SPTBN1: variants seen among roughly 807,000 people sequenced by gnomAD.
SPTBN1 encodes spectrin beta chain, non-erythrocytic 1.
A neutral mutation model predicts 266.4 loss-of-function variants in SPTBN1; 32 were observed. The ratio of observed to expected loss-of-function variants is 0.12; its 90% CI spans 0.09 to 0.16. The LOEUF is 0.16. SPTBN1 is among the 10% of genes least tolerant of loss of function. The pLI, the probability that SPTBN1 is intolerant of heterozygous loss-of-function variation, is 1.00. For synonymous variants in SPTBN1, 1,336 were observed against 1,162.2 expected (o/e 1.15, Z -3.04); for missense variants, 2,296 against 3,067.1 (o/e 0.75, Z 5.94).
At chr2:54,465,480 A>G (rs1693578266) in intron 1 of SPTBN1, among the ~76,000 whole-genome samples, 1 of 152,180 alleles carries the variant, frequency 6.6e-6, no homozygotes, top group Admixed American at 6.5e-5. Context: ...ATTTAGATTT[A>G]CTTTCAGTGA....
chr2:54,460,075 G>C (rs570415980), intron 1 of SPTBN1, among the ~76,000 whole-genome samples: 1 of 152,212 alleles, frequency 6.6e-6, no homozygotes, highest in Non-Finnish European at 1.5e-5. Context: ...TGAGGTTCAC[G>C]GACCTTCAAC....
At chr2:54,494,893 T>C (rs971975872) in intron 1 of SPTBN1, among the ~76,000 whole-genome samples, 1 of 146,356 alleles carries the variant, frequency 6.8e-6, no homozygotes, top group Admixed American at 6.9e-5. Context: ...ATATCAGTTA[T>C]ACCTGAATAA....
intron 17 of SPTBN1, among the ~76,000 whole-genome samples, chr2:54,633,842 A>C (rs1678933296): frequency 6.6e-6 from 1 of 152,180 alleles, no homozygotes; most frequent in Admixed American, 6.5e-5. Flanking sequence ...ATAAAGATTG[A>C]GCTCCTGTCT....
chr2:54,619,826 G>A lies in SPTBN1; in HGVS notation c.764-1574G>A, dbSNP rs115133097. 1.6e-3 allele frequency among the ~76,000 whole-genome samples: 244 copies of A among 152,216 alleles called. 1 individual carries two copies. The highest frequency in any genetic ancestry group is 5.2e-3 in the African/African-American group (214 of 41,544). On this transcript the variant is annotated intron_variant, in intron 7 of 35. Transcript: ENST00000356805. ...CTGTGATTCTGGCCCTCACAACCAC[G>A]GGCTGCCTTAGTGACCCTGGGCAGG...
chr2:54,544,138 T>C (rs1430659334), intron 2 of SPTBN1, among the ~76,000 whole-genome samples: 1 of 152,228 alleles, frequency 6.6e-6, no homozygotes, highest in African/African-American at 2.4e-5. Flanking sequence ...TATCCCGTGT[T>C]ACAGATTTCA....
intron 2 of SPTBN1, among the ~76,000 whole-genome samples, chr2:54,593,561 G>A (rs569495077): frequency 6.6e-6 from 1 of 152,190 alleles, no homozygotes; most frequent in African/African-American, 2.4e-5. Context: ...GTACCACATT[G>A]TACAGCATTG....
At chr2:54,623,702 C>G (rs1678142401) in intron 10 of SPTBN1, 106 bp downstream of exon 10, 2 of 878,476 alleles carry the variant, frequency 2.3e-6, no homozygotes, top group South Asian at 1.8e-5. Context: ...GGGGCTGTCC[C>G]CACCTGCCGA....
intron 1 of SPTBN1, among the ~76,000 whole-genome samples, chr2:54,457,743 T>C (rs1693136898): frequency 6.6e-6 from 1 of 152,260 alleles, no homozygotes; most frequent in East Asian, 1.9e-4. Flanking sequence ...GGCCTGGAGC[T>C]GCTGCTACCT....
intron 2 of SPTBN1, chr2:54,529,385 A>G (rs1671053755): frequency 5.9e-6 from 4 of 675,184 alleles, no homozygotes; most frequent in South Asian, 4.2e-5. Flanking sequence ...TGGCCCGCCT[A>G]AAGCTGAAGC....
Position 54,621,423 on chromosome 2 carries a change from G to T in SPTBN1, c.787G>T (p.Glu263Ter). The T allele has an allele frequency of 6.2e-7, 1 of 1,614,000 alleles. No homozygotes were observed. The highest frequency in any genetic ancestry group is 1.3e-5 in the African/African-American group (1 of 75,032). ...PEDISVDHPD[E>*]KSIITYVVTY... is the part of the protein sequence containing the mutation. ...AGACATCAGCGTGGACCATCCTGATGAGAAGTCCATAATCACTTATGTGGT... is the reference window on the plus strand; with the variant it reads ...AGACATCAGCGTGGACCATCCTGATTAGAAGTCCATAATCACTTATGTGGT... Residue 263 changes from glutamate to a stop codon, truncating the protein, a stop_gained, in exon 8 of 36, where the codon GAG (glutamate) becomes TAG (stop). Coordinates refer to ENST00000356805, the MANE Select transcript of SPTBN1 (RefSeq NM_003128.3). LOFTEE classifies it high-confidence loss of function.
rs536310927 is a variant in SPTBN1 at position 54,493,979 on chromosome 2, T to C, written c.-47-32393T>C. On this transcript the variant is annotated intron_variant, in intron 1 of 35. Coordinates refer to ENST00000356805, the MANE Select transcript of SPTBN1 (RefSeq NM_003128.3). ...ACACATGCAAAGAAAGGGTCCTCCT[T>C]CAACACTTGAAGATAATCACAGTGT... is the stretch of plus-strand genomic sequence containing the variant. Among the ~76,000 whole-genome samples, 7 of 152,314 alleles carry C rather than the reference T, an allele frequency of 4.6e-5. No individual in the cohort carries two copies. In the South Asian group the frequency reaches 1.2e-3, roughly 27 times the overall value.
chr2:54,491,259 C>CT (rs1387068388), intron 1 of SPTBN1, among the ~76,000 whole-genome samples: 1 of 152,194 alleles, frequency 6.6e-6, no homozygotes, highest in African/African-American at 2.4e-5. Context: ...GATTTACCTT[C>CT]TTTTTCACAT....
intron 29 of SPTBN1, among the ~76,000 whole-genome samples, chr2:54,657,011 G>A (rs931072473): frequency 6.6e-6 from 1 of 152,210 alleles, no homozygotes; most frequent in Non-Finnish European, 1.5e-5. Flanking sequence ...CAGATAGCTA[G>A]CCAGCTCCTT....
At chr2:54,562,539 T>TTC (rs1558843026) in intron 2 of SPTBN1, among the ~76,000 whole-genome samples, 1 of 139,766 alleles carries the variant, frequency 7.2e-6, no homozygotes, top group Non-Finnish European at 1.5e-5. Context: ...TTTTCTTTTT[T>TTC]TTTTTTGAGG....
chr2:54,642,206 G>A (rs1679618400), intron 18 of SPTBN1, among the ~76,000 whole-genome samples: 2 of 152,222 alleles, frequency 1.3e-5, no homozygotes, highest in African/African-American at 4.8e-5. Flanking sequence ...AAGTGGGTCT[G>A]GGCCTGGCGT....
intron 1 of SPTBN1, among the ~76,000 whole-genome samples, chr2:54,467,835 C>T (rs1376412525): frequency 6.6e-6 from 1 of 151,176 alleles, no homozygotes; most frequent in Non-Finnish European, 1.5e-5. Flanking sequence ...GACTATATAC[C>T]ATCATAAAGG....
chr2:54,516,167 G>C (rs1041153388), intron 1 of SPTBN1: 4 of 152,128 alleles, frequency 2.6e-5, no homozygotes, highest in African/African-American at 9.7e-5. Context: ...ATGGGCTTTG[G>C]AGTCATACCC....
intron 2 of SPTBN1, among the ~76,000 whole-genome samples, chr2:54,596,137 C>G (rs898515891): frequency 6.6e-6 from 1 of 152,182 alleles, no homozygotes; most frequent in African/African-American, 2.4e-5. Flanking sequence ...GTCACAGCAG[C>G]TTGAGCTTGG....
chr2:54,580,571 C>T (rs1011631476), intron 2 of SPTBN1, among the ~76,000 whole-genome samples: 3 of 149,002 alleles, frequency 2.0e-5, no homozygotes, highest in Non-Finnish European at 3.0e-5. Flanking sequence ...GATTATAATC[C>T]AAGTGTATTC....
Sources: gnomAD v4.1 joint callset for allele counts (sites outside exome capture counted in the v4.1 genomes callset) on GRCh38, gnomAD v4.1.1 for gene constraint, MANE v1.5 for transcripts, NCBI Gene and HGNC (gene_info 2026-07-23, HGNC 2026-07-21) for gene names.